SMAD6: variants seen among roughly 807,000 people sequenced by gnomAD.
SMAD6 encodes SMAD family member 6.
Under a neutral mutation model 39.4 loss-of-function variants are expected in SMAD6, and 103 were observed. The observed-to-expected ratio is 2.62, with a 90% CI of 2.23 to 3.08. The LOEUF (loss-of-function observed/expected upper bound fraction) is 3.08. Ranked by LOEUF, SMAD6 falls within the 30% of genes most tolerant of loss-of-function variation. The pLI, the probability that SMAD6 is intolerant of heterozygous loss-of-function variation, is 0.00. For missense variants in SMAD6, 1,104 were observed against 742.9 expected, an observed-to-expected ratio of 1.49 and a Z score of -5.65; for synonymous variants, 445 against 353.3, an observed-to-expected ratio of 1.26 and a Z score of -2.91.
intron 3 of SMAD6, chr15:66,717,205 G>A: frequency 8.6e-7 from 1 of 1,162,590 alleles, no homozygotes; most frequent in South Asian, 1.3e-5. Flanking sequence ...TGGGAGCATG[G>A]CTGGTGGCAT....
chr15:66,715,471 G>T (rs966664099), intron 2 of SMAD6, among the ~76,000 whole-genome samples: 1 of 152,188 alleles, frequency 6.6e-6, no homozygotes, highest in Non-Finnish European at 1.5e-5. Flanking sequence ...CTGGGGCCAG[G>T]TGGAGCCACC....
intron 1 of SMAD6, chr15:66,707,541 G>A (rs145640760): frequency 6.6e-6 from 1 of 152,336 alleles, no homozygotes; most frequent in Non-Finnish European, 1.5e-5. Context: ...GCGGCCCCTA[G>A]CCCTGCTTGT....
At position 66,781,043 on chromosome 15, in the gene SMAD6, CG is replaced by C; in HGVS notation, c.1000del (p.Val334TrpfsTer205). 1 of 1,600,504 alleles carries C rather than the reference CG, an allele frequency of 6.2e-7. No homozygotes were observed. The highest frequency in any genetic ancestry group is 1.7e-5 in the Admixed American group (1 of 59,616). Reference protein sequence around the residue: ...DATKPSHWCSVAYWEHRTRVG... With the variant: ...DATKPSHWCSXAYWEHRTRVG... Reference sequence around the variant, plus strand: ...CCACCAAGCCGAGCCACTGGTGCAGCGTGGCGTACTGGGAGCACCGGACGCG... The same window carrying C: ...CCACCAAGCCGAGCCACTGGTGCAGCTGGCGTACTGGGAGCACCGGACGCG... On this transcript the variant is annotated frameshift_variant, in exon 4 of 4. Transcript: ENST00000288840. LOFTEE classifies it high-confidence loss of function.
intron 2 of SMAD6, among the ~76,000 whole-genome samples, chr15:66,715,810 A>AT (rs1256071317): frequency 2.0e-5 from 3 of 151,622 alleles, no homozygotes; most frequent in Admixed American, 2.0e-4. Context: ...CAGTCCAGGC[A>AT]TTAAAAGTTG....
At chr15:66,732,434 C>T (rs1327892675) in intron 3 of SMAD6, among the ~76,000 whole-genome samples, 1 of 152,152 alleles carries the variant, frequency 6.6e-6, no homozygotes, top group African/African-American at 2.4e-5. Context: ...TCACTGTAAC[C>T]CTGAACTCCT....
chr15:66,765,131 C>G (rs1894266323), intron 3 of SMAD6, among the ~76,000 whole-genome samples: 1 of 152,238 alleles, frequency 6.6e-6, no homozygotes, highest in Admixed American at 6.5e-5. Flanking sequence ...CCCCTGTTAT[C>G]CCCACTACCC....
chr15:66,734,252 G>A (rs765415013), intron 3 of SMAD6, among the ~76,000 whole-genome samples: 46 of 152,334 alleles, frequency 3.0e-4, no homozygotes, highest in Non-Finnish European at 6.2e-4. Flanking sequence ...ACCTCACCCC[G>A]CGGTACTGAG....
At chr15:66,717,346 T>A (rs1391828730) in intron 3 of SMAD6, 2 of 457,618 alleles carry the variant, frequency 4.4e-6, no homozygotes, top group Non-Finnish European at 8.8e-6. Flanking sequence ...CATGCCATGG[T>A]AGCAGTCGCC....
At chr15:66,736,808 T>C (rs1893720015) in intron 3 of SMAD6, among the ~76,000 whole-genome samples, 1 of 152,158 alleles carries the variant, frequency 6.6e-6, no homozygotes, top group South Asian at 2.1e-4. Flanking sequence ...TAGTTGGGAT[T>C]ACAGGCATCC....
chr15:66,738,247 A>G (rs538999279), intron 3 of SMAD6, among the ~76,000 whole-genome samples: 1 of 152,304 alleles, frequency 6.6e-6, no homozygotes, highest in South Asian at 2.1e-4. Flanking sequence ...TGGGCCAGGC[A>G]ATCCCAGGAC....
intron 3 of SMAD6, among the ~76,000 whole-genome samples, chr15:66,720,136 T>G (rs1185612939): frequency 6.6e-6 from 1 of 152,178 alleles, no homozygotes; most frequent in Non-Finnish European, 1.5e-5. Flanking sequence ...TGTATTTCCT[T>G]TCCTCTTCCA....
intron 3 of SMAD6, among the ~76,000 whole-genome samples, chr15:66,727,697 T>C (rs1306578878): frequency 6.6e-6 from 1 of 152,216 alleles, no homozygotes; most frequent in Non-Finnish European, 1.5e-5. Context: ...AGAAATCCTT[T>C]TAATTGATAC....
chr15:66,723,041 G>A (rs1186708331), intron 3 of SMAD6, among the ~76,000 whole-genome samples: 1 of 152,186 alleles, frequency 6.6e-6, no homozygotes, highest in African/African-American at 2.4e-5. Flanking sequence ...GTTCCAGGCT[G>A]TAAGTACCAG....
intron 3 of SMAD6, among the ~76,000 whole-genome samples, chr15:66,728,158 G>A (rs1392610194): frequency 6.6e-6 from 1 of 152,148 alleles, no homozygotes; most frequent in African/African-American, 2.4e-5. Context: ...CCTGGCCAAA[G>A]TGAGCTTTCT....
chr15:66,774,018 T>C (rs1242652159), intron 3 of SMAD6, among the ~76,000 whole-genome samples: 2 of 152,126 alleles, frequency 1.3e-5, no homozygotes, highest in African/African-American at 4.8e-5. Flanking sequence ...AGGGACCGCC[T>C]GCTCCCCTGC....
chr15:66,733,896 AG>A (rs1893671186), intron 3 of SMAD6, among the ~76,000 whole-genome samples: 1 of 152,168 alleles, frequency 6.6e-6, no homozygotes, highest in African/African-American at 2.4e-5. Flanking sequence ...GGAGATTTGG[AG>A]GAGAGCCGAG....
chr15:66,704,149 C>G (rs902865787), intron 1 of SMAD6, 74 bp downstream of exon 1: 9 of 1,178,322 alleles, frequency 7.6e-6, no homozygotes, highest in Non-Finnish European at 9.9e-6. Context: ...CTCTCTGTGA[C>G]ACTGCGGGTC....
At chr15:66,742,341 T>C (rs1322415076) in intron 3 of SMAD6, among the ~76,000 whole-genome samples, 1 of 144,490 alleles carries the variant, frequency 6.9e-6, no homozygotes, top group Non-Finnish European at 1.6e-5. Context: ...TTGGGGTACC[T>C]GGAAGCTTCA....
intron 3 of SMAD6, among the ~76,000 whole-genome samples, chr15:66,766,585 C>G (rs1338478626): frequency 6.6e-6 from 1 of 152,168 alleles, no homozygotes; most frequent in East Asian, 1.9e-4. Flanking sequence ...CAGAGGGTGT[C>G]TGAAGCAACC....
Sources: gnomAD v4.1 joint callset for allele counts (sites outside exome capture counted in the v4.1 genomes callset) on GRCh38, gnomAD v4.1.1 for gene constraint, MANE v1.5 for transcripts, NCBI Gene and HGNC (gene_info 2026-07-23, HGNC 2026-07-21) for gene names.